RCAN2: variants seen among roughly 807,000 people sequenced by gnomAD.
The protein encoded by RCAN2 is regulator of calcineurin 2.
Under a neutral mutation model 23.6 loss-of-function variants are expected in RCAN2, and 9 were observed. That is an observed-to-expected ratio of 0.38 (90% confidence interval 0.23 to 0.67). The LOEUF is 0.67. RCAN2 is among the 30% of genes least tolerant of loss of function. The pLI is 0.51. For missense variants in RCAN2, 273 were observed against 302.3 expected (o/e 0.90, Z 0.72); for synonymous variants, 109 against 115.7 (o/e 0.94, Z 0.37).
Position 46,430,889 on chromosome 6 carries a change from A to G in RCAN2, c.225+25863T>C, listed in dbSNP as rs558597569. Among the ~76,000 whole-genome samples, 7 of 152,350 alleles carry G rather than the reference A, an allele frequency of 4.6e-5. No homozygotes were observed. The East Asian group carries it at 1.4e-3, about 29-fold the overall frequency. On this transcript the variant is annotated intron_variant, in intron 2 of 4. Transcript: ENST00000371374. ...TTGAGAGATGAGGAATAAGAAAAAA[A>G]TGATTTTCCCTGAAACAGCTTTTAA...
intron 2 of RCAN2, among the ~76,000 whole-genome samples, chr6:46,340,876 T>A (rs753911005): frequency 1.3e-5 from 2 of 152,226 alleles, no homozygotes; most frequent in African/African-American, 2.4e-5. Flanking sequence ...CTTGAATGAA[T>A]CCTTGAAGGA....
At chr6:46,389,344 T>C (rs1765861034) in intron 2 of RCAN2, among the ~76,000 whole-genome samples, 1 of 152,200 alleles carries the variant, frequency 6.6e-6, no homozygotes, top group South Asian at 2.1e-4. Context: ...TTTACACTGT[T>C]TCCTCTCACT....
chr6:46,362,363 A>G (rs1765043100), intron 2 of RCAN2, among the ~76,000 whole-genome samples: 2 of 152,162 alleles, frequency 1.3e-5, no homozygotes. Flanking sequence ...TTATAAGGTA[A>G]TATGAGGTAT....
intron 4 of RCAN2, among the ~76,000 whole-genome samples, chr6:46,239,770 T>G (rs1401086925): frequency 6.6e-6 from 1 of 152,120 alleles, no homozygotes. Flanking sequence ...GCTATATATA[T>G]TTCAGTATAA....
chr6:46,313,498 ACC>A (rs1763331507), intron 2 of RCAN2, among the ~76,000 whole-genome samples: 1 of 152,224 alleles, frequency 6.6e-6, no homozygotes, highest in East Asian at 1.9e-4. Context: ...ATAGCCTTCA[ACC>A]TAAATTTGTA....
At chr6:46,441,936 T>C (rs1435596832) in intron 2 of RCAN2, among the ~76,000 whole-genome samples, 1 of 152,196 alleles carries the variant, frequency 6.6e-6, no homozygotes, top group Non-Finnish European at 1.5e-5. Context: ...GAACTGGCAC[T>C]CAGCCCATCT....
At chr6:46,263,492 T>C (rs1767194567) in intron 2 of RCAN2, among the ~76,000 whole-genome samples, 1 of 139,788 alleles carries the variant, frequency 7.2e-6, no homozygotes, top group African/African-American at 2.7e-5. Context: ...TGTGTGTGTG[T>C]GTATGTGTGT....
intron 2 of RCAN2, among the ~76,000 whole-genome samples, chr6:46,276,214 A>AAAAACAAAAC (rs112546925): frequency 0.77 from 116,500 of 151,132 alleles, 45,177 homozygotes; most frequent in Non-Finnish European, 0.8. Flanking sequence ...GACTCTGTCT[A>AAAAACAAAAC]AAAACAAAAC....
intron 2 of RCAN2, among the ~76,000 whole-genome samples, chr6:46,327,593 A>G (rs1216401452): frequency 6.6e-6 from 1 of 152,244 alleles, no homozygotes; most frequent in Non-Finnish European, 1.5e-5. Flanking sequence ...TAATACAAAG[A>G]TGAATGTGAT....
intron 2 of RCAN2, among the ~76,000 whole-genome samples, chr6:46,428,439 G>A (rs1377599984): frequency 1.3e-5 from 2 of 152,142 alleles, no homozygotes; most frequent in South Asian, 2.1e-4. Flanking sequence ...TAATGGTATA[G>A]TTTATGCATT....
chr6:46,288,315 G>A (rs767306589), intron 2 of RCAN2, among the ~76,000 whole-genome samples: 6 of 152,200 alleles, frequency 3.9e-5, no homozygotes, highest in Non-Finnish European at 7.3e-5. Context: ...TTGGCTCTGA[G>A]GCTTATTCTC....
At chr6:46,255,385 C>A (rs1281266851) in intron 2 of RCAN2, among the ~76,000 whole-genome samples, 1 of 152,080 alleles carries the variant, frequency 6.6e-6, no homozygotes, top group South Asian at 2.1e-4. Context: ...AGGAGTATCA[C>A]ATTCAACTGA....
intron 2 of RCAN2, among the ~76,000 whole-genome samples, chr6:46,443,066 G>A (rs1767600996): frequency 6.6e-6 from 1 of 152,134 alleles, no homozygotes; most frequent in Non-Finnish European, 1.5e-5. Context: ...AGAGTACAAT[G>A]ATATGCCCTT....
At chr6:46,443,792 T>C (rs1304040389) in intron 2 of RCAN2, among the ~76,000 whole-genome samples, 1 of 152,216 alleles carries the variant, frequency 6.6e-6, no homozygotes, top group African/African-American at 2.4e-5. Context: ...CTTACATTCT[T>C]CTACATGGAA....
intron 2 of RCAN2, among the ~76,000 whole-genome samples, chr6:46,373,507 T>C (rs1277189410): frequency 6.6e-6 from 1 of 152,224 alleles, no homozygotes; most frequent in African/African-American, 2.4e-5. Context: ...TCTGCCCACC[T>C]AGGCCTCCTA....
At chr6:46,377,110 C>T (rs1171509486) in intron 2 of RCAN2, among the ~76,000 whole-genome samples, 2 of 152,118 alleles carry the variant, frequency 1.3e-5, no homozygotes, top group East Asian at 3.9e-4. Flanking sequence ...AAAAACAGAA[C>T]TTAGGATATA....
chr6:46,231,041 C>A (rs968267613), intron 4 of RCAN2, among the ~76,000 whole-genome samples: 2 of 152,138 alleles, frequency 1.3e-5, no homozygotes, highest in African/African-American at 4.8e-5. Context: ...TGAATTGAGT[C>A]CCCTCAAAAG....
intron 2 of RCAN2, among the ~76,000 whole-genome samples, chr6:46,338,636 T>G (rs1355890990): frequency 1.3e-5 from 2 of 152,208 alleles, no homozygotes; most frequent in African/African-American, 4.8e-5. Context: ...CACCTTCTTA[T>G]TCAGTACCAC....
chr6:46,281,894 A>C (rs187259832), intron 2 of RCAN2, among the ~76,000 whole-genome samples: 2 of 152,278 alleles, frequency 1.3e-5, no homozygotes, highest in African/African-American at 4.8e-5. Flanking sequence ...CCAAGGTCAC[A>C]CAGTTAATAA....
Sources: allele counts gnomAD v4.1 joint callset (sites outside exome capture counted in the v4.1 genomes callset), GRCh38; gene constraint gnomAD v4.1.1; transcripts MANE v1.5; gene names NCBI Gene and HGNC (gene_info 2026-07-23, HGNC 2026-07-21).